Variants in GRIK2 observed in about 807,000 individuals in gnomAD.
GRIK2 encodes glutamate receptor ionotropic, kainate 2.
A neutral mutation model predicts 100.3 loss-of-function variants in GRIK2; 32 were observed. The ratio of observed to expected loss-of-function variants is 0.32; its 90% CI spans 0.24 to 0.43. The LOEUF is 0.43. GRIK2 is among the 20% of genes least tolerant of loss of function. The pLI is 1.00. For missense variants in GRIK2, 843 were observed against 1,114.9 expected (o/e 0.76, Z 3.47); for synonymous variants, 417 against 389.4 (o/e 1.07, Z -0.83).
At chr6:101,948,871 A>T (rs1015087470) in intron 14 of GRIK2, among the ~76,000 whole-genome samples, 1 of 152,286 alleles carries the variant, frequency 6.6e-6, no homozygotes, top group African/African-American at 2.4e-5. Context: ...ATATGAGGCA[A>T]ACTCAGGGCA....
intron 7 of GRIK2, among the ~76,000 whole-genome samples, chr6:101,762,180 C>T (rs1276118539): frequency 6.7e-6 from 1 of 148,894 alleles, no homozygotes; most frequent in African/African-American, 2.5e-5. Context: ...CTCTCTCTCT[C>T]TCTCTTCTTT....
chr6:102,040,365 A>G (rs963930463), intron 15 of GRIK2, among the ~76,000 whole-genome samples: 2 of 151,576 alleles, frequency 1.3e-5, no homozygotes, highest in African/African-American at 4.8e-5. Flanking sequence ...AATATTATCT[A>G]TGAATATCAA....
At chr6:101,697,138 A>T (rs1015034418) in intron 7 of GRIK2, among the ~76,000 whole-genome samples, 2 of 152,022 alleles carry the variant, frequency 1.3e-5, no homozygotes, top group African/African-American at 4.8e-5. Flanking sequence ...ATCAAAAGGG[A>T]TAATGAATTC....
intron 14 of GRIK2, among the ~76,000 whole-genome samples, chr6:102,017,130 T>C (rs1769156823): frequency 6.6e-6 from 1 of 152,238 alleles, no homozygotes; most frequent in East Asian, 1.9e-4. Context: ...AAAGAAGCAC[T>C]AAATATGGAA....
At chr6:101,686,086 AC>A (rs1158504642) in intron 6 of GRIK2, 93 bp from the exon 7 acceptor site, 1 of 818,818 alleles carries the variant, frequency 1.2e-6, no homozygotes, top group East Asian at 2.6e-5. Context: ...GTGTTAAGTG[AC>A]CTAAAAAAAA....
chr6:101,776,446 A>G (rs1230926705), intron 7 of GRIK2, among the ~76,000 whole-genome samples: 2 of 152,212 alleles, frequency 1.3e-5, no homozygotes, highest in Non-Finnish European at 2.9e-5. Context: ...TTATATTACA[A>G]AACCGGTATA....
intron 14 of GRIK2, among the ~76,000 whole-genome samples, chr6:101,932,454 G>T (rs572860191): frequency 6.6e-6 from 1 of 151,740 alleles, no homozygotes; most frequent in South Asian, 2.1e-4. Flanking sequence ...CAACCTAATT[G>T]GTTATATTCT....
chr6:102,013,830 C>T (rs1221157669), intron 14 of GRIK2, among the ~76,000 whole-genome samples: 5 of 151,986 alleles, frequency 3.3e-5, no homozygotes, highest in Non-Finnish European at 1.5e-5. Context: ...ATTCAATTTA[C>T]TAGTATTTTG....
intron 14 of GRIK2, among the ~76,000 whole-genome samples, chr6:101,984,055 A>T (rs1304749392): frequency 6.6e-6 from 1 of 151,792 alleles, no homozygotes; most frequent in African/African-American, 2.4e-5. Context: ...CTTTCAAAAA[A>T]ACTTATGTGC....
intron 4 of GRIK2, among the ~76,000 whole-genome samples, chr6:101,673,701 G>A (rs1770606270): frequency 6.6e-6 from 1 of 152,174 alleles, no homozygotes; most frequent in South Asian, 2.1e-4. Context: ...CCCACTCTGA[G>A]TTAGATTATC....
At chr6:101,495,274 G>A (rs1263845758) in intron 2 of GRIK2, among the ~76,000 whole-genome samples, 6 of 151,904 alleles carry the variant, frequency 3.9e-5, no homozygotes, top group Non-Finnish European at 8.8e-5. Flanking sequence ...GGGAGGCCGA[G>A]GCGGGTGGAT....
intron 14 of GRIK2, among the ~76,000 whole-genome samples, chr6:101,944,636 T>A (rs962861313): frequency 2.6e-5 from 4 of 152,172 alleles, no homozygotes; most frequent in Non-Finnish European, 4.4e-5. Context: ...TTTTATGTTT[T>A]TTGTGCTAAT....
At position 101,425,342 on chromosome 6, in the gene GRIK2, T is replaced by G. The variant is rs969541933; in HGVS notation, c.115+25950T>G. On this transcript the variant is annotated intron_variant, in intron 2 of 16. Transcript: ENST00000369134. Reference sequence around the variant, plus strand: ...TTAATAAATACTGTAGAACAATTAGTCATACTACTGTTGACTAGCACTCTG... The same window carrying G: ...TTAATAAATACTGTAGAACAATTAGGCATACTACTGTTGACTAGCACTCTG... Among the ~76,000 whole-genome samples the G allele has an allele frequency of 3.3e-5, 5 of 152,300 alleles. No homozygotes were observed. In the East Asian group the frequency reaches 9.7e-4, roughly 29 times the overall value.
intron 2 of GRIK2, among the ~76,000 whole-genome samples, chr6:101,586,837 C>G (rs2128305016): frequency 6.7e-6 from 1 of 148,170 alleles, no homozygotes; most frequent in Non-Finnish European, 1.5e-5. Flanking sequence ...TTGCAGTGAG[C>G]CGAGATCCTG....
chr6:101,438,368 C>T (rs189110847), intron 2 of GRIK2, among the ~76,000 whole-genome samples: 14 of 152,178 alleles, frequency 9.2e-5, no homozygotes, highest in East Asian at 5.8e-4. Context: ...CAGAATGATA[C>T]GTTCTGAAGT....
intron 7 of GRIK2, among the ~76,000 whole-genome samples, chr6:101,723,992 A>G (rs1310486136): frequency 2.0e-5 from 3 of 151,580 alleles, no homozygotes; most frequent in Non-Finnish European, 1.5e-5. Flanking sequence ...ACTCTATGAA[A>G]TTTCTCTTCT....
chr6:101,923,646 C>T (rs548558213), intron 12 of GRIK2, among the ~76,000 whole-genome samples: 6 of 152,188 alleles, frequency 3.9e-5, no homozygotes, highest in East Asian at 1.9e-4. Flanking sequence ...GATGGCTCGG[C>T]GCGGTGGCTC....
chr6:101,601,909 G>C (rs921698708), intron 2 of GRIK2, among the ~76,000 whole-genome samples: 2 of 151,426 alleles, frequency 1.3e-5, no homozygotes, highest in Non-Finnish European at 3.0e-5. Flanking sequence ...TTTTATGTAT[G>C]GGCTTTGGGT....
rs76222991 is a variant in GRIK2, at chr6:101,704,374, G to T, written c.951+18021G>T. ...AAGGGGGTGAAAATTAGGTGGAATA[G>T]GGTCATTTGAGTCACTGGGCTGGGA... is the stretch of plus-strand genomic sequence containing the variant. On this transcript the variant is annotated intron_variant, in intron 7 of 16. Transcript: ENST00000369134. Among the ~76,000 whole-genome samples the T allele has an allele frequency of 4.6e-5, 7 of 151,764 alleles. No homozygotes were observed. The East Asian group carries it at 1.4e-3, about 30-fold the overall frequency.
Sources: allele counts gnomAD v4.1 joint callset (sites outside exome capture counted in the v4.1 genomes callset), GRCh38; gene constraint gnomAD v4.1.1; transcripts MANE v1.5; gene names NCBI Gene and HGNC (gene_info 2026-07-23, HGNC 2026-07-21).